ABCC4: variants seen among roughly 807,000 people sequenced by gnomAD.
The protein encoded by ABCC4 is ATP-binding cassette sub-family C member 4.
Under a neutral mutation model 168.5 loss-of-function variants are expected in ABCC4, and 102 were observed. That is an observed-to-expected ratio of 0.61 (90% CI 0.52 to 0.71). The LOEUF is 0.71. ABCC4 is among the 30% of genes least tolerant of loss of function. ABCC4 has a pLI of 0.00. For synonymous variants in ABCC4, 617 were observed against 590.7 expected, an observed-to-expected ratio of 1.04 and a Z score of -0.65; for missense variants, 1,402 against 1,605.8, an observed-to-expected ratio of 0.87 and a Z score of 2.17.
chr13:95,126,044 G>C (rs1216967158), intron 19 of ABCC4, among the ~76,000 whole-genome samples: 2 of 152,104 alleles, frequency 1.3e-5, no homozygotes, highest in Non-Finnish European at 2.9e-5. Context: ...ATGATTTCAG[G>C]GGATTCCTAA....
intron 20 of ABCC4, among the ~76,000 whole-genome samples, chr13:95,113,387 G>T (rs1454773573): frequency 2.0e-5 from 3 of 152,064 alleles, no homozygotes; most frequent in African/African-American, 7.2e-5. Flanking sequence ...ATAACTAACA[G>T]GTTTTAAACA....
chr13:95,194,744 T>TTTA, intron 9 of ABCC4, 92 bp downstream of exon 9: 1 of 983,310 alleles, frequency 1.0e-6, no homozygotes. Flanking sequence ...CAAGCCATAT[T>TTTA]TTATACCATG....
chr13:95,248,815 G>A (rs1307979243), intron 1 of ABCC4, among the ~76,000 whole-genome samples: 2 of 152,190 alleles, frequency 1.3e-5, no homozygotes, highest in Non-Finnish European at 2.9e-5. Context: ...AGGTGGCTGA[G>A]GTAGGCGGAT....
intron 9 of ABCC4, 133 bp from the exon 10 acceptor site, chr13:95,188,675 T>A: frequency 1.4e-6 from 1 of 731,754 alleles, no homozygotes; most frequent in Non-Finnish European, 2.2e-6. Flanking sequence ...TATTTTAAGA[T>A]ATTGTATCCT....
chr13:95,159,447 G>A (rs900875614), intron 19 of ABCC4, among the ~76,000 whole-genome samples: 3 of 151,630 alleles, frequency 2.0e-5, no homozygotes, highest in African/African-American at 7.3e-5. Context: ...AGGTGCTGCT[G>A]TAAGATTAGT....
At chr13:95,287,599 A>AT (rs758045321) in intron 1 of ABCC4, among the ~76,000 whole-genome samples, 3 of 151,800 alleles carry the variant, frequency 2.0e-5, no homozygotes, top group Non-Finnish European at 4.4e-5. Flanking sequence ...AAAAAAAAAA[A>AT]CTTTTTCCTT....
At chr13:95,238,196 A>G (rs972422461) in intron 3 of ABCC4, among the ~76,000 whole-genome samples, 4 of 74,722 alleles carry the variant, frequency 5.4e-5, no homozygotes, top group Non-Finnish European at 2.1e-5. Context: ...TCCATCTCAG[A>G]AAAAAAAAAA....
intron 1 of ABCC4, among the ~76,000 whole-genome samples, chr13:95,250,312 T>A (rs1296075761): frequency 6.6e-6 from 1 of 152,110 alleles, no homozygotes; most frequent in Non-Finnish European, 1.5e-5. Flanking sequence ...TCTCCCACAA[T>A]ACTTAGTACA....
At chr13:95,170,798 C>T (rs2037443774) in intron 13 of ABCC4, among the ~76,000 whole-genome samples, 170 bp from the exon 14 acceptor site, 1 of 152,136 alleles carries the variant, frequency 6.6e-6, no homozygotes, top group African/African-American at 2.4e-5. Context: ...GTCCTCAAAA[C>T]CACTAGCAGC....
intron 3 of ABCC4, among the ~76,000 whole-genome samples, chr13:95,236,711 G>A (rs903612974): frequency 1.4e-4 from 21 of 152,186 alleles, no homozygotes; most frequent in African/African-American, 4.8e-4. Flanking sequence ...ATACCATTTA[G>A]TTGAAGAATT....
chr13:95,286,137 T>TTTTTTTTTTTTTTTTG (rs71113907), intron 1 of ABCC4, among the ~76,000 whole-genome samples: 1 of 147,712 alleles, frequency 6.8e-6, no homozygotes, highest in Non-Finnish European at 1.5e-5. Flanking sequence ...TTTTTTTTTT[T>TTTTTTTTTTTTTTTTG]GAGACGGAGT....
rs1412627985 is a variant in ABCC4 at position 95,301,249 on chromosome 13, C to G, written c.66G>C (p.Val22=). 1.3e-6 allele frequency: 2 copies of G among 1,592,480 alleles called. No individual in the cohort carries two copies. Among genetic ancestry groups the G allele is most frequent in the Middle Eastern group, 1.7e-4 (1 of 6,012 alleles). Residue 22 remains valine (V), a synonymous_variant, in exon 1 of 31, where the codon GTG becomes GTC. Coordinates refer to ENST00000645237, the MANE Select transcript of ABCC4 (RefSeq NM_005845.5). ...PLQDANLCSR[V]FFWWLNPLFK... ...CGGGCGGGGACACTCACCAGAAGAA[C>G]ACGCGTGAGCAGAGGTTCGCGTCCT...
intron 30 of ABCC4, among the ~76,000 whole-genome samples, chr13:95,033,943 G>T (rs1183358256): frequency 6.6e-6 from 1 of 152,208 alleles, no homozygotes; most frequent in Non-Finnish European, 1.5e-5. Flanking sequence ...TTACAGGCAT[G>T]AACCACCACG....
intron 20 of ABCC4, among the ~76,000 whole-genome samples, chr13:95,112,745 T>C (rs2035247738): frequency 1.3e-5 from 2 of 152,318 alleles, no homozygotes; most frequent in African/African-American, 4.8e-5. Flanking sequence ...CCTCACTTTC[T>C]GTGAGTTTCT....
At chr13:95,121,453 G>T (rs1475348838) in intron 19 of ABCC4, among the ~76,000 whole-genome samples, 9 of 149,320 alleles carry the variant, frequency 6.0e-5, no homozygotes, top group African/African-American at 1.7e-4. Context: ...TTGAGAAAAG[G>T]TCTCACTCTG....
intron 1 of ABCC4, among the ~76,000 whole-genome samples, chr13:95,300,478 A>G (rs1220700523): frequency 1.3e-5 from 2 of 152,232 alleles, no homozygotes; most frequent in Non-Finnish European, 2.9e-5. Flanking sequence ...GTCCCCATTC[A>G]TAAATGAAAA....
At chr13:95,145,191 G>A (rs2036452034) in intron 19 of ABCC4, among the ~76,000 whole-genome samples, 2 of 152,144 alleles carry the variant, frequency 1.3e-5, no homozygotes, top group Non-Finnish European at 2.9e-5. Context: ...ATATACTGTT[G>A]GAGGAAATGG....
intron 4 of ABCC4, among the ~76,000 whole-genome samples, chr13:95,227,872 GC>G (rs1434532663): frequency 6.6e-6 from 1 of 151,836 alleles, no homozygotes; most frequent in Non-Finnish European, 1.5e-5. Flanking sequence ...ACCATGCCAG[GC>G]TAATTTTTGT....
intron 4 of ABCC4, among the ~76,000 whole-genome samples, chr13:95,231,498 G>C (rs2039620768): frequency 1.3e-5 from 2 of 152,100 alleles, no homozygotes; most frequent in Admixed American, 6.6e-5. Context: ...TCAGGATATG[G>C]GGGCCTCAGT....
Sources: gnomAD v4.1 joint callset for allele counts (sites outside exome capture counted in the v4.1 genomes callset) on GRCh38, gnomAD v4.1.1 for gene constraint, MANE v1.5 for transcripts, NCBI Gene and HGNC (gene_info 2026-07-23, HGNC 2026-07-21) for gene names.